ITGA4: variants seen among roughly 807,000 people sequenced by gnomAD.
ITGA4 encodes integrin alpha-4.
Under a neutral mutation model 133.6 loss-of-function variants are expected in ITGA4, and 63 were observed. That is an observed-to-expected ratio of 0.47 (90% CI 0.38 to 0.58). The LOEUF (loss-of-function observed/expected upper bound fraction) is 0.58, where lower values mean the gene tolerates loss of function less well. Ranked by LOEUF, ITGA4 falls within the 20% of genes least tolerant of loss-of-function variation. ITGA4 has a pLI of 0.00. For missense variants in ITGA4, 1,076 were observed against 1,252.7 expected (o/e 0.86, Z 2.13); for synonymous variants, 483 against 438.0 (o/e 1.10, Z -1.28).
chr2:181,493,495 CTTAT>C, intron 11 of ITGA4, 76 bp downstream of exon 11: 1 of 786,016 alleles, frequency 1.3e-6, no homozygotes, highest in East Asian at 2.8e-5. Context: ...TTTATGTGGA[CTTAT>C]TTTTCTTAAT....
At chr2:181,459,736 G>A (rs935151262) in intron 2 of ITGA4, among the ~76,000 whole-genome samples, 9 of 152,172 alleles carry the variant, frequency 5.9e-5, no homozygotes, top group Non-Finnish European at 1.0e-4. Flanking sequence ...AAGAATTAGG[G>A]AGTGGAGCCG....
In ITGA4 at chr2:181,536,625, ACT is replaced by A. The variant is rs1687110630; in HGVS notation, c.*1099_*1100del. 6.2e-6 allele frequency: 1 copy of A among 161,084 alleles called. No individual in the cohort carries two copies. Among genetic ancestry groups the A allele is most frequent in the South Asian group, 1.7e-4 (1 of 5,836 alleles). 10.0% of individuals were successfully genotyped at this position (161,084 alleles called of 1,614,324 possible). The stretch of plus-strand genomic sequence containing the variant: ...AAATTCATAAATTTAGCTGAAAGAT[ACT>A]GATTCAATTTGTATACAGTGAATAT... On this transcript the variant is annotated 3_prime_UTR_variant, in exon 28 of 28. Transcript: ENST00000397033.
intron 2 of ITGA4, among the ~76,000 whole-genome samples, chr2:181,472,844 T>A (rs1365527222): frequency 6.6e-6 from 1 of 152,138 alleles, no homozygotes; most frequent in Non-Finnish European, 1.5e-5. Flanking sequence ...TCTCTCTTCA[T>A]CCCTTCCTTT....
chr2:181,457,537 G>A lies in ITGA4; in HGVS notation c.-118G>A. On this transcript the variant is annotated 5_prime_UTR_variant, in exon 1 of 28. Transcript: ENST00000397033. Reference sequence around the variant, plus strand: ...CCTCTCTCCTTCCTTTAGCCCGCTGGCGCCGGACACGCTGCGCCTCATCTC... The same window carrying A: ...CCTCTCTCCTTCCTTTAGCCCGCTGACGCCGGACACGCTGCGCCTCATCTC... 5.3e-6 allele frequency: 5 copies of A among 940,808 alleles called. 1 individual carries two copies. Among genetic ancestry groups the A allele is most frequent in the South Asian group, 4.9e-5 (3 of 61,194 alleles). 58.3% of individuals were successfully genotyped at this position (940,808 alleles called of 1,614,324 possible). A position where few individuals can be genotyped will look rare whatever the true frequency, so the allele number is the denominator to read the frequency against.
At chr2:181,505,573 C>G (rs1253416593) in intron 15 of ITGA4, among the ~76,000 whole-genome samples, 1 of 151,950 alleles carries the variant, frequency 6.6e-6, no homozygotes, top group African/African-American at 2.4e-5. Context: ...TTTTTTACTC[C>G]CAAATATTTA....
At chr2:181,477,428 G>C (rs1467168967) in intron 4 of ITGA4, among the ~76,000 whole-genome samples, 1 of 152,090 alleles carries the variant, frequency 6.6e-6, no homozygotes, top group Non-Finnish European at 1.5e-5. Context: ...GAGACAGTCT[G>C]CAGAATGGGA....
Position 181,538,340 on chromosome 2 carries a change from G to T in ITGA4, c.*2813G>T. ...ACAATGCCAATGCCAAATACAAATT[G>T]ATAACAAACACAGCATTCCCAACAG... On this transcript the variant is annotated 3_prime_UTR_variant, in exon 28 of 28. Coordinates refer to ENST00000397033, the MANE Select transcript of ITGA4 (RefSeq NM_000885.6). The T allele has an allele frequency of 1.4e-6, 1 of 712,070 alleles. No homozygotes were observed. The highest frequency in any genetic ancestry group is 1.6e-5 in the South Asian group (1 of 60,806). 44.1% of individuals were successfully genotyped at this position (712,070 alleles called of 1,614,324 possible). A position where few individuals can be genotyped will look rare whatever the true frequency, so the allele number is the denominator to read the frequency against.
intron 17 of ITGA4, among the ~76,000 whole-genome samples, chr2:181,520,903 AAC>A (rs1686704966): frequency 6.6e-6 from 1 of 152,136 alleles, no homozygotes; most frequent in African/African-American, 2.4e-5. Context: ...GAAATTTTGA[AAC>A]ATGTTCTTAA....
intron 9 of ITGA4, among the ~76,000 whole-genome samples, chr2:181,484,913 G>A (rs1172182474): frequency 6.6e-6 from 1 of 152,202 alleles, no homozygotes; most frequent in African/African-American, 2.4e-5. Context: ...GTATGCTTAA[G>A]AGGTGCCAAG....
In ITGA4 at chr2:181,480,222, C is replaced by CT. The variant is rs774534148; in HGVS notation, c.716dup (p.Leu239PhefsTer38). 2.0e-6 allele frequency: 3 copies of CT among 1,489,694 alleles called. No individual in the cohort carries two copies. Among genetic ancestry groups the CT allele is most frequent in the South Asian group, 1.4e-5 (1 of 72,078 alleles). The allele number at this position is 1,489,694 out of a possible 1,614,324, so 92.3% of individuals were successfully genotyped here. The stretch of plus-strand genomic sequence containing the variant: ...AATATAACTACAAATAAATACAAGG[C>CT]TTTTTTAGACAAACAAAATCAAGTA... On this transcript the variant is annotated frameshift_variant, in exon 6 of 28. Coordinates refer to ENST00000397033, the MANE Select transcript of ITGA4 (RefSeq NM_000885.6). LOFTEE classifies it high-confidence loss of function.
At chr2:181,487,104 A>G (rs1685939592) in intron 10 of ITGA4, among the ~76,000 whole-genome samples, 1 of 152,134 alleles carries the variant, frequency 6.6e-6, no homozygotes, top group African/African-American at 2.4e-5. Context: ...TTTGTTTACT[A>G]TTTTAAAACT....
intron 2 of ITGA4, among the ~76,000 whole-genome samples, chr2:181,474,158 TG>T (rs1685620475): frequency 6.6e-6 from 1 of 152,218 alleles, no homozygotes; most frequent in African/African-American, 2.4e-5. Context: ...TTACTTAACA[TG>T]GGATTTTAAT....
At position 181,523,175 on chromosome 2, in the gene ITGA4, CACACATACACAT is replaced by C. The variant is rs557856695; in HGVS notation, c.2074-254_2074-243del. Among the ~76,000 whole-genome samples, 1 of 151,868 alleles carries C rather than the reference CACACATACACAT, an allele frequency of 6.6e-6. No homozygotes were observed. The highest frequency in any genetic ancestry group is 2.4e-5 in the African/African-American group (1 of 41,324). On this transcript the variant is annotated intron_variant, in intron 18 of 27. Coordinates refer to ENST00000397033, the MANE Select transcript of ITGA4 (RefSeq NM_000885.6). The surrounding 1 kb of genome is among the most constrained non-coding windows in gnomAD (Gnocchi z 4.2). ...GTACACACATATATGTATATACACA[CACACATACACAT>C]ACACATATATATACACACACATATA...
chr2:181,472,355 T>C (rs976373422), intron 2 of ITGA4, among the ~76,000 whole-genome samples: 1 of 152,220 alleles, frequency 6.6e-6, no homozygotes, highest in Non-Finnish European at 1.5e-5. Context: ...TTTAATCTTC[T>C]GGGTGGCTCT....
rs1317641675 is a variant in ITGA4, at chr2:181,516,294, G to C, written c.1922+4519G>C. ...CTGCTAGGAATACTTTTAATTGCAA[G>C]TTTTAGAGTAATTAACTAATAGTGA... On this transcript the variant is annotated intron_variant, in intron 17 of 27. Transcript: ENST00000397033. This position sits in a 1 kb window ranked among gnomAD's most constrained non-coding sequence, Gnocchi z 4.0. Among the ~76,000 whole-genome samples the C allele has an allele frequency of 1.3e-5, 2 of 152,038 alleles. No individual in the cohort carries two copies.
intron 21 of ITGA4, among the ~76,000 whole-genome samples, chr2:181,526,838 T>TTTTTTC (rs1686840991): frequency 9.4e-6 from 1 of 105,860 alleles, no homozygotes; most frequent in African/African-American, 5.4e-5. Flanking sequence ...TTTTTTTTTT[T>TTTTTTC]TTTTTTTTTT....
rs925878659 is a variant in ITGA4, at chr2:181,523,646, G to C, written c.2169+114G>C. 2 of 591,896 alleles carry C rather than the reference G, an allele frequency of 3.4e-6. No homozygotes were observed. 36.7% of individuals were successfully genotyped at this position (591,896 alleles called of 1,614,324 possible). On this transcript the variant is annotated intron_variant, in intron 19 of 27. Transcript: ENST00000397033. This position sits in a 1 kb window ranked among gnomAD's most constrained non-coding sequence, Gnocchi z 4.2. Reference sequence around the variant, plus strand: ...TAAATATTTTAGCTTGGGGTAGGTAGCTGAGTGATGAAATAAAACTGGTTC... The same window carrying C: ...TAAATATTTTAGCTTGGGGTAGGTACCTGAGTGATGAAATAAAACTGGTTC...
intron 2 of ITGA4, among the ~76,000 whole-genome samples, 168 bp from the exon 3 acceptor site, chr2:181,474,792 G>C (rs2105726038): frequency 6.6e-6 from 1 of 152,294 alleles, no homozygotes; most frequent in African/African-American, 2.4e-5. Context: ...CCTTGTATTA[G>C]AGAATAATTA....
chr2:181,492,865 A>T (rs1045987488), intron 10 of ITGA4, among the ~76,000 whole-genome samples: 1 of 152,268 alleles, frequency 6.6e-6, no homozygotes, highest in Non-Finnish European at 1.5e-5. Flanking sequence ...TTATGATCAA[A>T]TATTCATAGA....
Sources: gnomAD v4.1 joint callset for allele counts (sites outside exome capture counted in the v4.1 genomes callset) on GRCh38, gnomAD v4.1.1 for gene constraint, Gnocchi (gnomAD v3.1) non-coding constraint, MANE v1.5 for transcripts, NCBI Gene and HGNC (gene_info 2026-07-23, HGNC 2026-07-21) for gene names.